The following AGAP1 variants were observed in gnomAD, a reference collection of about 807,000 sequenced individuals.
The protein encoded by AGAP1 is ArfGAP with GTPase domain, ankyrin repeat and PH domain 1.
AGAP1 carries 29 observed loss-of-function variants against 105.3 expected under a neutral mutation model. That is an observed-to-expected ratio of 0.28 (90% CI 0.21 to 0.38). The LOEUF (loss-of-function observed/expected upper bound fraction) is 0.38, where lower values mean the gene tolerates loss of function less well. Ranked by LOEUF, AGAP1 falls within the 10% of genes least tolerant of loss-of-function variation. AGAP1 has a pLI of 1.00. For synonymous variants in AGAP1, 509 were observed against 485.9 expected, an observed-to-expected ratio of 1.05 and a Z score of -0.63; for missense variants, 998 against 1,165.1, an observed-to-expected ratio of 0.86 and a Z score of 2.09.
At chr2:235,506,681 C>T (rs1243515005) in intron 1 of AGAP1, among the ~76,000 whole-genome samples, 3 of 152,052 alleles carry the variant, frequency 2.0e-5, no homozygotes, top group African/African-American at 7.2e-5. Flanking sequence ...TAGGAGCCAC[C>T]GGAAGCCGGG....
At chr2:235,755,862 C>T (rs1039901437) in intron 6 of AGAP1, among the ~76,000 whole-genome samples, 1 of 152,178 alleles carries the variant, frequency 6.6e-6, no homozygotes. Flanking sequence ...GTAGTCAGGT[C>T]TCCGGAAGGT....
rs116233985 is a variant in AGAP1 at position 235,843,648 on chromosome 2, C to G, written c.1050+36317C>G. Among the ~76,000 whole-genome samples the G allele has an allele frequency of 6.6e-6, 1 of 152,094 alleles. No individual in the cohort carries two copies. Among genetic ancestry groups the G allele is most frequent in the Non-Finnish European group, 1.5e-5 (1 of 68,018 alleles). Reference sequence around the variant, plus strand: ...GTCTTTCTGCACCTGGGCTCCCCTCCGCCCTGCATCTGAGATCTCTGTTTT... The same window carrying G: ...GTCTTTCTGCACCTGGGCTCCCCTCGGCCCTGCATCTGAGATCTCTGTTTT... On this transcript the variant is annotated intron_variant, in intron 9 of 17. Transcript: ENST00000304032. The surrounding 1 kb of genome is among the most constrained non-coding windows in gnomAD (Gnocchi z 5.9).
In AGAP1 at chr2:236,055,235, G is replaced by T. The variant is rs941202426; in HGVS notation, c.2114+5954G>T. Among the ~76,000 whole-genome samples, 1 of 152,124 alleles carries T rather than the reference G, an allele frequency of 6.6e-6. No individual in the cohort carries two copies. Among genetic ancestry groups the T allele is most frequent in the African/African-American group, 2.4e-5 (1 of 41,412 alleles). On this transcript the variant is annotated intron_variant, in intron 16 of 17. Coordinates refer to ENST00000304032, the MANE Select transcript of AGAP1 (RefSeq NM_001037131.3). This position sits in a 1 kb window ranked among gnomAD's most constrained non-coding sequence, Gnocchi z 6.2. ...TAATCAGCCTGTCTTCTACTCCGGC[G>T]ATCAGAGTTAACAATTATAGCAAGG...
Position 235,789,103 on chromosome 2 carries a change from TC to T in AGAP1, c.674-8652del, listed in dbSNP as rs145659514. Reference sequence around the variant, plus strand: ...GTGTTTCCTGCAGCGTGATTTGAAGTCCCCTTTACCACAAATAACTACTTTA... The same window carrying T: ...GTGTTTCCTGCAGCGTGATTTGAAGTCCCTTTACCACAAATAACTACTTTA... On this transcript the variant is annotated intron_variant, in intron 6 of 17. Transcript: ENST00000304032. This position sits in a 1 kb window ranked among gnomAD's most constrained non-coding sequence, Gnocchi z 4.2. Among the ~76,000 whole-genome samples, 731 of 152,328 alleles carry T rather than the reference TC, an allele frequency of 4.8e-3. 6 individuals carry two copies. Among genetic ancestry groups the T allele is most frequent in the African/African-American group, 0.016 (681 of 41,560 alleles).
chr2:235,768,108 G>A (rs1331580450), intron 6 of AGAP1, among the ~76,000 whole-genome samples: 2 of 152,076 alleles, frequency 1.3e-5, no homozygotes, highest in African/African-American at 4.8e-5. Flanking sequence ...GTTTTTGAAG[G>A]TTTTTTTCTT....
rs749637481 is a variant in AGAP1 at position 235,930,870 on chromosome 2, G to A, written c.1430G>A (p.Ser477Asn). ...CACCAGCGCTCCTACTCAGTCTCCA[G>A]TGCCGACCAGTGGAGTGAGGCTACG... ...GMHQRSYSVSSADQWSEATVI... is the reference protein window; with the variant it reads ...GMHQRSYSVSNADQWSEATVI... The change falls in exon 12 of 18, where the codon AGT becomes AAT. Residue 477 changes from serine (S) to asparagine (N), a missense_variant. Ser to Asn is a conservative substitution (Grantham distance 46). Around this residue, in one of 3 missense-constraint regions of AGAP1, gnomAD observed 735 missense variants for 833.4 expected, o/e 0.88. Transcript: ENST00000304032. The surrounding 1 kb of genome is among the most constrained non-coding windows in gnomAD (Gnocchi z 7.9). 6.2e-6 allele frequency: 10 copies of A among 1,614,032 alleles called. No homozygotes were observed. Among genetic ancestry groups the A allele is most frequent in the Middle Eastern group, 1.6e-4 (1 of 6,080 alleles).
Position 235,866,222 on chromosome 2 carries a change from T to C in AGAP1, c.1051-17123T>C, listed in dbSNP as rs1332164941. ...TTTATTTTCTGAGACTAGGAGTATC[T>C]ATAACTTGGTGTGGTTATTCTTGCA... On this transcript the variant is annotated intron_variant, in intron 9 of 17. Transcript: ENST00000304032. This position sits in a 1 kb window ranked among gnomAD's most constrained non-coding sequence, Gnocchi z 6.1. Among the ~76,000 whole-genome samples, 1 of 152,198 alleles carries C rather than the reference T, an allele frequency of 6.6e-6. No homozygotes were observed. Among genetic ancestry groups the C allele is most frequent in the African/African-American group, 2.4e-5 (1 of 41,444 alleles).
At chr2:235,561,254 G>A (rs1944140655) in intron 1 of AGAP1, among the ~76,000 whole-genome samples, 1 of 152,158 alleles carries the variant, frequency 6.6e-6, no homozygotes, top group South Asian at 2.1e-4. Context: ...ATTTCCTTAG[G>A]GAAGAGTATC....
chr2:235,892,069 G>A (rs1184825329), intron 10 of AGAP1, among the ~76,000 whole-genome samples: 2 of 151,922 alleles, frequency 1.3e-5, no homozygotes, highest in African/African-American at 4.8e-5. Context: ...CAGGAGAATT[G>A]CTTGAACCCA....
At position 235,883,810 on chromosome 2, in the gene AGAP1, T is replaced by C. The variant is rs942924857; in HGVS notation, c.1155+361T>C. ...TCGAGAATGAAGGAAACAATTACAT[T>C]TGAACCCAGGATTTAGCTTTGAAAA... On this transcript the variant is annotated intron_variant, in intron 10 of 17. Coordinates refer to ENST00000304032, the MANE Select transcript of AGAP1 (RefSeq NM_001037131.3). This position sits in a 1 kb window ranked among gnomAD's most constrained non-coding sequence, Gnocchi z 4.5. Among the ~76,000 whole-genome samples, 10 of 152,166 alleles carry C rather than the reference T, an allele frequency of 6.6e-5. No individual in the cohort carries two copies. The highest frequency in any genetic ancestry group is 2.6e-4 in the Admixed American group (4 of 15,278).
chr2:236,059,117 A>G (rs2058120389), intron 16 of AGAP1, among the ~76,000 whole-genome samples: 1 of 152,082 alleles, frequency 6.6e-6, no homozygotes, highest in Admixed American at 6.6e-5. Context: ...ACTTGAAGCT[A>G]GGAGTTCAAG....
At chr2:235,863,473 C>T (rs2049020102) in intron 9 of AGAP1, among the ~76,000 whole-genome samples, 1 of 152,238 alleles carries the variant, frequency 6.6e-6, no homozygotes, top group Non-Finnish European at 1.5e-5. Context: ...CACCTCTCGG[C>T]TGGGACTGGC....
intron 9 of AGAP1, among the ~76,000 whole-genome samples, chr2:235,829,663 A>G (rs1383625326): frequency 6.6e-6 from 1 of 152,000 alleles, no homozygotes; most frequent in Non-Finnish European, 1.5e-5. Flanking sequence ...AATTTTTTGG[A>G]CTCTCTGTAT....
At chr2:235,709,949 T>C (rs561401144) in intron 2 of AGAP1, among the ~76,000 whole-genome samples, 2 of 152,230 alleles carry the variant, frequency 1.3e-5, no homozygotes, top group African/African-American at 2.4e-5. Flanking sequence ...TATGTATGTA[T>C]ATATGTGTAT....
chr2:235,592,053 T>C (rs912671516), intron 1 of AGAP1, among the ~76,000 whole-genome samples: 20 of 152,236 alleles, frequency 1.3e-4, no homozygotes, highest in African/African-American at 4.8e-4. Flanking sequence ...GGCATTCCTT[T>C]ATAGCAACGC....
chr2:235,741,914 T>C lies in AGAP1; in HGVS notation c.396+866T>C, dbSNP rs186845360. 0.021 allele frequency among the ~76,000 whole-genome samples: 3,243 copies of C among 151,988 alleles called. 115 individuals are homozygous for C. Among genetic ancestry groups the C allele is most frequent in the African/African-American group, 0.07 (2,883 of 41,422 alleles). On this transcript the variant is annotated intron_variant, in intron 4 of 17. Coordinates refer to ENST00000304032, the MANE Select transcript of AGAP1 (RefSeq NM_001037131.3). This position sits in a 1 kb window ranked among gnomAD's most constrained non-coding sequence, Gnocchi z 4.9. Reference sequence around the variant, plus strand: ...GACTACGGGCGCCTGCTACCACGCCTGGCTAATTTTTTGTATTTTTAGTAG... The same window carrying C: ...GACTACGGGCGCCTGCTACCACGCCCGGCTAATTTTTTGTATTTTTAGTAG...
At chr2:236,057,283 A>G (rs956988603) in intron 16 of AGAP1, among the ~76,000 whole-genome samples, 3 of 152,016 alleles carry the variant, frequency 2.0e-5, no homozygotes, top group Admixed American at 6.5e-5. Flanking sequence ...TAATTTTTGT[A>G]TTTTTAGTAG....
intron 13 of AGAP1, among the ~76,000 whole-genome samples, chr2:236,010,473 G>C (rs927326083): frequency 6.6e-6 from 1 of 152,216 alleles, no homozygotes. Flanking sequence ...GTGAATTAAA[G>C]TTTCTATCAC....
At chr2:235,885,864 T>C (rs1048472852) in intron 10 of AGAP1, among the ~76,000 whole-genome samples, 47 of 152,250 alleles carry the variant, frequency 3.1e-4, no homozygotes, top group African/African-American at 9.9e-4. Context: ...GATTCTTACA[T>C]AGATATTCTT....
Sources: allele counts gnomAD v4.1 joint callset (sites outside exome capture counted in the v4.1 genomes callset), GRCh38; gene constraint gnomAD v4.1.1; regional missense constraint gnomAD v4.1.1; non-coding constraint Gnocchi (gnomAD v3.1); transcripts MANE v1.5; gene names NCBI Gene and HGNC (gene_info 2026-07-23, HGNC 2026-07-21).